Variants in CRB2 observed in about 807,000 individuals in gnomAD.
CRB2 encodes the protein protein crumbs homolog 2.
CRB2 carries 85 observed loss-of-function variants against 110.9 expected under a neutral mutation model. That is an observed-to-expected ratio of 0.77 (90% confidence interval 0.64 to 0.92). CRB2 has a LOEUF of 0.92. Among genes scored for constraint, CRB2 ranks in the 40% least tolerant of loss-of-function variants. The pLI is 0.00. For missense variants in CRB2, 1,843 were observed against 1,851.3 expected, an observed-to-expected ratio of 1.00 and a Z score of 0.08; for synonymous variants, 907 against 831.0, an observed-to-expected ratio of 1.09 and a Z score of -1.57.
chr9:123,364,279 G>T (rs2041901531), intron 2 of CRB2, among the ~76,000 whole-genome samples: 1 of 152,342 alleles, frequency 6.6e-6, no homozygotes, highest in Middle Eastern at 3.4e-3. Context: ...GTACCTGGGG[G>T]TGTCTGCAGT....
chr9:123,366,260 G>T lies in CRB2; in HGVS notation c.648G>T (p.Glu216Asp), dbSNP rs1287605103. 6.7e-7 allele frequency: 1 copy of T among 1,497,132 alleles called. No homozygotes were observed. Among genetic ancestry groups the T allele is most frequent in the African/African-American group, 1.4e-5 (1 of 69,128 alleles). The allele number at this position is 1,497,132 out of a possible 1,614,324, so 92.7% of individuals were successfully genotyped here. A position where few individuals can be genotyped will look rare whatever the true frequency, so the allele number is the denominator to read the frequency against. Reference protein sequence around the residue: ...FRCDCAGTGYEGTHCEREVLE... With the variant: ...FRCDCAGTGYDGTHCEREVLE... ...GCGACTGCGCGGGCACCGGCTACGA[G>T]GGCACGCACTGCGAGCGGGAGGTGC... is the stretch of plus-strand genomic sequence containing the variant. The change falls in exon 4 of 13, where the codon GAG (glutamate) becomes GAT (aspartate). Residue 216 changes from glutamate (E) to aspartate (D), a missense_variant. Glu to Asp is a conservative substitution (Grantham distance 45). Transcript: ENST00000373631.
chr9:123,367,829 G>A, intron 6 of CRB2, 143 bp downstream of exon 6: 1 of 638,216 alleles, frequency 1.6e-6, no homozygotes, highest in Non-Finnish European at 2.8e-6. Flanking sequence ...ACCGCTGAGG[G>A]TGGCTGAACT....
In CRB2 at chr9:123,377,179, AGCCTCTGCCTCT is replaced by A. The variant is rs920598810; in HGVS notation, c.*127_*138del. On this transcript the variant is annotated 3_prime_UTR_variant, in exon 13 of 13. Coordinates refer to ENST00000373631, the MANE Select transcript of CRB2 (RefSeq NM_173689.7). ...CTACGGAAGTGTCCCCTTGGCTGGC[AGCCTCTGCCTCT>A]GCCTCTGCCCCATCCTGGATGGAGG... is the stretch of plus-strand genomic sequence containing the variant. 3.1e-6 allele frequency: 3 copies of A among 979,006 alleles called. No individual in the cohort carries two copies. The highest frequency in any genetic ancestry group is 5.9e-5 in the Admixed American group (2 of 33,860). 60.6% of individuals were successfully genotyped at this position (979,006 alleles called of 1,614,324 possible). A position where few individuals can be genotyped will look rare whatever the true frequency, so the allele number is the denominator to read the frequency against.
At chr9:123,371,889 C>T (rs377541969) in intron 8 of CRB2, among the ~76,000 whole-genome samples, 19 of 152,114 alleles carry the variant, frequency 1.2e-4, no homozygotes, top group African/African-American at 3.4e-4. Flanking sequence ...GAGCGGGACA[C>T]GCTTTTGATC....
chr9:123,354,500 A>G (rs1177957256), upstream of CRB2, among the ~76,000 whole-genome samples: 2 of 152,218 alleles, frequency 1.3e-5, no homozygotes, highest in Admixed American at 1.3e-4. Context: ...TTTACAGGTG[A>G]GGAGACTGAG....
rs1182094699 is a variant in CRB2, at chr9:123,373,574, G to C, written c.3043G>C (p.Gly1015Arg). 6.9e-7 allele frequency: 1 copy of C among 1,459,558 alleles called. No homozygotes were observed. The highest frequency in any genetic ancestry group is 1.5e-5 in the African/African-American group (1 of 68,514). 90.4% of individuals were successfully genotyped at this position (1,459,558 alleles called of 1,614,324 possible). ...LLAENFTGCL[G>R]RVALGGLPLP... ...GGCTGAGAACTTCACCGGCTGCTTG[G>C]GCCGCGTGGCGCTGGGCGGCCTGCC... The change falls in exon 10 of 13, where the codon GGC becomes CGC. Residue 1015 changes from glycine to arginine, a missense_variant. Coordinates refer to ENST00000373631, the MANE Select transcript of CRB2 (RefSeq NM_173689.7).
rs1019913388 is a variant in CRB2 at position 123,373,203 on chromosome 9, G to A, written c.2672G>A (p.Arg891His). The A allele has an allele frequency of 1.3e-6, 2 of 1,512,622 alleles. No individual in the cohort carries two copies. Among genetic ancestry groups the A allele is most frequent in the African/African-American group, 1.4e-5 (1 of 69,772 alleles). The allele number at this position is 1,512,622 out of a possible 1,614,324, so 93.7% of individuals were successfully genotyped here. The change falls in exon 10 of 13, where the codon CGC (arginine) becomes CAC (histidine). Residue 891 changes from arginine to histidine, a missense_variant. By Grantham distance (29) the Arg-to-His change is conservative. Transcript: ENST00000373631. ...AFSGHNASSG[R>H]LLGGLSLAFR... ...AGCGGGCACAACGCGTCGTCAGGGCGCTTGCTCGGCGGCCTGTCGCTGGCC... is the reference window on the plus strand; with the variant it reads ...AGCGGGCACAACGCGTCGTCAGGGCACTTGCTCGGCGGCCTGTCGCTGGCC...
In CRB2 at chr9:123,377,904, A is replaced by C. The variant is rs561143949; in HGVS notation, c.*842A>C. 6.6e-6 allele frequency: 1 copy of C among 152,368 alleles called. No homozygotes were observed. The highest frequency in any genetic ancestry group is 2.1e-4 in the South Asian group (1 of 4,832). The allele number at this position is 152,368 out of a possible 1,614,324, so 9.4% of individuals were successfully genotyped here. ...CACAGGGCTGTTGTGAGGATCAGAG[A>C]GGACGACAGTGGGGAAAGAATCTGG... On this transcript the variant is annotated 3_prime_UTR_variant, in exon 13 of 13. Transcript: ENST00000373631.
In CRB2 at chr9:123,370,761, C is replaced by T. The variant is rs1564374557; in HGVS notation, c.1708C>T (p.Gln570Ter). ...TPLPAGISSAQLGDATFAGCL... is the reference protein window; with the variant it reads ...TPLPAGISSA ...GCTGCCTGCCGGGATCTCCTCTGCC[C>T]AGCTGGGGGACGCGACCTTTGCAGG... Residue 570 changes from glutamine to a stop codon, truncating the protein, a stop_gained, in exon 7 of 13, where the codon CAG becomes TAG. Transcript: ENST00000373631. LOFTEE classifies it high-confidence loss of function. 1 of 1,602,940 alleles carries T rather than the reference C, an allele frequency of 6.2e-7. No homozygotes were observed. The highest frequency in any genetic ancestry group is 8.5e-7 in the Non-Finnish European group (1 of 1,179,938).
intron 5 of CRB2, 84 bp downstream of exon 5, chr9:123,367,441 C>A (rs1588210570): frequency 3.0e-6 from 3 of 1,010,666 alleles, no homozygotes; most frequent in Non-Finnish European, 4.0e-6. Flanking sequence ...CCCCCCCACC[C>A]CCCCACCCCA....
In CRB2 at chr9:123,377,274, C is replaced by T. The variant is rs2042117554; in HGVS notation, c.*212C>T. The T allele has an allele frequency of 1.8e-6, 1 of 569,728 alleles. No homozygotes were observed. The highest frequency in any genetic ancestry group is 1.9e-5 in the African/African-American group (1 of 53,322). The allele number at this position is 569,728 out of a possible 1,614,324, so 35.3% of individuals were successfully genotyped here. On this transcript the variant is annotated 3_prime_UTR_variant, in exon 13 of 13. Transcript: ENST00000373631. ...AGAGAGGCTGCGGACTTCTCCATCC[C>T]ACCCTCGGGGTTCCGCCTTGGCAGG...
At chr9:123,362,842 C>A in intron 1 of CRB2, 23 bp from the exon 2 acceptor site, 1 of 1,551,130 alleles carries the variant, frequency 6.4e-7, no homozygotes, top group Non-Finnish European at 8.8e-7. Flanking sequence ...CCACCCTGCC[C>A]AGCCAGTTTC....
intron 6 of CRB2, among the ~76,000 whole-genome samples, chr9:123,367,997 CAG>C (rs2041961969): frequency 6.6e-6 from 1 of 151,802 alleles, no homozygotes; most frequent in African/African-American, 2.4e-5. Flanking sequence ...GGGGCTATTG[CAG>C]AGAGTTAGGG....
rs2041952192 is a variant in CRB2 at position 123,367,438 on chromosome 9, A to ACCCCCCCCAC, written c.940+88_940+89insCACCCCCCCC. 9.4e-6 allele frequency: 7 copies of ACCCCCCCCAC among 747,518 alleles called. No homozygotes were observed. The East Asian group carries it at 2.5e-4, about 27-fold the overall frequency. 46.3% of individuals were successfully genotyped at this position (747,518 alleles called of 1,614,324 possible). A position where few individuals can be genotyped will look rare whatever the true frequency, so the allele number is the denominator to read the frequency against. On this transcript the variant is annotated intron_variant, in intron 5 of 12. Transcript: ENST00000373631. ...TTGTGCCCACCCCCCCACCCCCCCC[A>ACCCCCCCCAC]CCCCCCCACCCCACACCCCACACCC...
chr9:123,356,275 G>A lies in CRB2; in HGVS notation c.15G>A (p.Arg5=). Reference sequence around the variant, plus strand: ...AGCGGGCTGCCATGGCGCTGGCCAGGCCTGGGACCCCGGACCCCCAGGCCC... The same window carrying A: ...AGCGGGCTGCCATGGCGCTGGCCAGACCTGGGACCCCGGACCCCCAGGCCC... MALA[R]PGTPDPQALA... The change falls in exon 1 of 13, where the codon AGG becomes AGA. Residue 5 remains arginine (R), a synonymous_variant. Transcript: ENST00000373631. The A allele has an allele frequency of 6.5e-7, 1 of 1,535,392 alleles. No homozygotes were observed. Among genetic ancestry groups the A allele is most frequent in the Admixed American group, 2.1e-5 (1 of 48,352 alleles).
In CRB2 at chr9:123,366,017, G is replaced by T; in HGVS notation, c.519G>T (p.Ala173=). 3 of 1,593,024 alleles carry T rather than the reference G, an allele frequency of 1.9e-6. No homozygotes were observed. The highest frequency in any genetic ancestry group is 2.5e-6 in the Non-Finnish European group (3 of 1,176,958). ...TGGGCTCCTTCCGCTGTGTGTGCGC[G>T]CCAGGCTACGGGGGCACCCGTTGCC... The part of the protein sequence containing the change: ...DGVGSFRCVC[A]PGYGGTRCQL... Residue 173 remains alanine (A), a synonymous_variant, in exon 3 of 13, where the codon GCG becomes GCT. Coordinates refer to ENST00000373631, the MANE Select transcript of CRB2 (RefSeq NM_173689.7).
chr9:123,372,375 G>T, intron 9 of CRB2, 33 bp downstream of exon 9: 1 of 1,557,906 alleles, frequency 6.4e-7, no homozygotes. Context: ...TCCCGTGCTG[G>T]GTGCTGGACA....
chr9:123,378,796 C>CTTTT (rs2042147285), downstream of CRB2: 2 of 53,056 alleles, frequency 3.8e-5, no homozygotes, highest in Non-Finnish European at 8.6e-5. Flanking sequence ...GTTCGGGTGC[C>CTTTT]TGTTTTTTGT....
rs564670615 is a variant in CRB2, at chr9:123,371,610, G to A, written c.2436+32G>A. ...GTCTGGTGGCGGTGGTGGTGGTGGG[G>A]TGGGGAGTCCTTTTCCCAGGATCTG... is the stretch of plus-strand genomic sequence containing the variant. On this transcript the variant is annotated intron_variant, in intron 8 of 12. Transcript: ENST00000373631. The A allele has an allele frequency of 3.6e-5, 58 of 1,608,202 alleles. No individual in the cohort carries two copies. In the South Asian group the frequency reaches 4.6e-4, roughly 13 times the overall value.
Sources: gnomAD v4.1 joint callset for allele counts (sites outside exome capture counted in the v4.1 genomes callset) on GRCh38, gnomAD v4.1.1 for gene constraint, MANE v1.5 for transcripts, NCBI Gene and HGNC (gene_info 2026-07-23, HGNC 2026-07-21) for gene names.